SRCAP: variants seen among roughly 807,000 people sequenced by gnomAD.
The protein encoded by SRCAP is chromatin remodeling protein SRCAP.
In SRCAP, 46 loss-of-function variants were observed where a neutral mutation model predicts 263.1. That is an observed-to-expected ratio of 0.17 (90% confidence interval 0.14 to 0.22). The LOEUF (loss-of-function observed/expected upper bound fraction) is 0.22. Among genes scored for constraint, SRCAP ranks in the 10% least tolerant of loss-of-function variants. SRCAP has a pLI of 1.00. For missense variants in SRCAP, 3,695 were observed against 4,181.9 expected (o/e 0.88, Z 3.21); for synonymous variants, 1,813 against 1,662.1 (o/e 1.09, Z -2.21).
chr16:30,706,939 C>G (rs1234554495), intron 4 of SRCAP, among the ~76,000 whole-genome samples: 2 of 152,122 alleles, frequency 1.3e-5, no homozygotes, highest in African/African-American at 2.4e-5. Context: ...TTCACATTTT[C>G]TATTACTTTC....
At position 30,720,908 on chromosome 16, in the gene SRCAP, T is replaced by C. The variant is rs1312053021; in HGVS notation, c.3183T>C (p.Ile1061=). 17 of 1,613,996 alleles carry C rather than the reference T, an allele frequency of 1.1e-5. No homozygotes were observed. In the Admixed American group the frequency reaches 2.7e-4, roughly 25 times the overall value. ...VSASPAGPPL[I]PASRPPGPVL... is the part of the protein sequence containing the mutation. ...CCTCACCTGCCGGGCCCCCGCTTAT[T>C]CCTGCATCTCGGCCTCCTGGCCCTG... The change falls in exon 20 of 34, where the codon ATT becomes ATC. Residue 1061 remains isoleucine, a synonymous_variant. Transcript: ENST00000262518.
intron 4 of SRCAP, among the ~76,000 whole-genome samples, chr16:30,705,350 A>G (rs894579653): frequency 6.6e-6 from 1 of 152,158 alleles, no homozygotes; most frequent in Non-Finnish European, 1.5e-5. Context: ...ATTTGAAACT[A>G]TGAGGGTAGG....
intron 27 of SRCAP, among the ~76,000 whole-genome samples, chr16:30,732,187 C>A (rs796213621): frequency 6.6e-6 from 1 of 151,696 alleles, no homozygotes; most frequent in East Asian, 1.9e-4. Flanking sequence ...CACGGTGGCT[C>A]ACGCCTGTAA....
intron 6 of SRCAP, among the ~76,000 whole-genome samples, chr16:30,708,068 T>C (rs2052846989): frequency 1.3e-5 from 2 of 152,270 alleles, no homozygotes; most frequent in African/African-American, 4.8e-5. Flanking sequence ...GTCTGTATTT[T>C]CGGTCTTGCC....
intron 18 of SRCAP, among the ~76,000 whole-genome samples, chr16:30,717,455 T>C (rs1453220685): frequency 6.6e-6 from 1 of 151,390 alleles, no homozygotes; most frequent in Admixed American, 6.6e-5. Context: ...TTTTGGTGGT[T>C]TTTTTTTTCG....
Position 30,733,528 on chromosome 16 carries a change from G to GCCTTTCCA in SRCAP, c.6298-74_6298-73insCCTTTCCA. ...TCCCAGGATTTGGGCTTCCAGACGG[G>GCCTTTCCA]GTGCCACTAAGCCTTTAGACCTGTT... On this transcript the variant is annotated intron_variant, in intron 28 of 33. Coordinates refer to ENST00000262518, the MANE Select transcript of SRCAP (RefSeq NM_006662.3). This position sits in a 1 kb window ranked among gnomAD's most constrained non-coding sequence, Gnocchi z 5.3. 1 of 1,604,946 alleles carries GCCTTTCCA rather than the reference G, an allele frequency of 6.2e-7. No homozygotes were observed. The highest frequency in any genetic ancestry group is 8.5e-7 in the Non-Finnish European group (1 of 1,174,330).
Position 30,737,408 on chromosome 16 carries a change from C to A in SRCAP, c.7368C>A (p.Ala2456=). The A allele has an allele frequency of 6.2e-7, 1 of 1,608,488 alleles. No individual in the cohort carries two copies. The highest frequency in any genetic ancestry group is 1.1e-5 in the South Asian group (1 of 90,304). The part of the protein sequence containing the change: ...TPASAPAAIP[A]LVPVPVSAPV... Reference sequence around the variant, plus strand: ...CTTCAGCTCCGGCTGCAATTCCTGCCCTTGTTCCTGTCCCAGTTTCTGCCC... The same window carrying A: ...CTTCAGCTCCGGCTGCAATTCCTGCACTTGTTCCTGTCCCAGTTTCTGCCC... Residue 2456 remains alanine, a synonymous_variant, in exon 34 of 34, where the codon GCC becomes GCA. Transcript: ENST00000262518.
At position 30,710,851 on chromosome 16, in the gene SRCAP, A is replaced by C; in HGVS notation, c.1228+4A>C. ...TTTACTGCCAACGAAGAGGAAGGTC[A>C]GGGCTGTTCGGTTTGTCCTATTGCC... On this transcript the variant is annotated splice_donor_region_variant and intron_variant, in intron 9 of 33. Transcript: ENST00000262518. 6.2e-7 allele frequency: 1 copy of C among 1,614,140 alleles called. No individual in the cohort carries two copies. The highest frequency in any genetic ancestry group is 8.5e-7 in the Non-Finnish European group (1 of 1,179,968).
In SRCAP at chr16:30,738,603, G is replaced by A. The variant is rs763170731; in HGVS notation, c.8563G>A (p.Ala2855Thr). Residue 2855 changes from alanine (A) to threonine (T), a missense_variant, in exon 34 of 34, where the codon GCT becomes ACT. By Grantham distance (58) the Ala-to-Thr change is moderately conservative. This residue lies in a region of SRCAP where 1,207 missense variants were observed against 1,142.9 expected (regional missense o/e 1.06). Coordinates refer to ENST00000262518, the MANE Select transcript of SRCAP (RefSeq NM_006662.3). ...AGCACTGCTCGCCATCACCCCACCT[G>A]CTGTGAAACGTCGGAGGGGGAGGCC... ...DGALLAITPP[A>T]VKRRRGRPPK... is the part of the protein sequence containing the mutation. 38 of 1,603,534 alleles carry A rather than the reference G, an allele frequency of 2.4e-5. No individual in the cohort carries two copies. Among genetic ancestry groups the A allele is most frequent in the Non-Finnish European group, 2.2e-5 (26 of 1,174,398 alleles).
Position 30,729,513 on chromosome 16 carries a change from G to A in SRCAP, c.6068G>A (p.Arg2023His), listed in dbSNP as rs775790829. The A allele has an allele frequency of 5.0e-6, 8 of 1,614,132 alleles. No individual in the cohort carries two copies. The highest frequency in any genetic ancestry group is 1.1e-5 in the South Asian group (1 of 91,084). ...TGGCCCCGGGCTCGTCCTTTGCACC[G>A]TATTGTGTGTAACATGCGCACCCAG... The part of the protein sequence containing the change: ...ELWPRARPLH[R>H]IVCNMRTQFP... Residue 2023 changes from arginine (R) to histidine (H), a missense_variant, in exon 27 of 34, where the codon CGT (arginine) becomes CAT (histidine). Arg to His is a conservative substitution (Grantham distance 29, BLOSUM62 0). Around this residue, in one of 12 missense-constraint regions of SRCAP, gnomAD observed 138 missense variants for 254.9 expected, o/e 0.54. Coordinates refer to ENST00000262518, the MANE Select transcript of SRCAP (RefSeq NM_006662.3).
chr16:30,728,789 T>G (rs1482513790), intron 25 of SRCAP, among the ~76,000 whole-genome samples, 177 bp from the exon 26 acceptor site: 1 of 152,072 alleles, frequency 6.6e-6, no homozygotes, highest in Non-Finnish European at 1.5e-5. Context: ...AGAAAGTTAT[T>G]TAACATAACT....
intron 3 of SRCAP, among the ~76,000 whole-genome samples, chr16:30,701,872 T>G (rs1230514244): frequency 6.6e-6 from 1 of 151,830 alleles, no homozygotes; most frequent in Non-Finnish European, 1.5e-5. Context: ...CCTCAGGTGA[T>G]CCACCCACCT....
intron 27 of SRCAP, among the ~76,000 whole-genome samples, chr16:30,731,695 C>T (rs535499481): frequency 6.6e-6 from 1 of 151,848 alleles, no homozygotes; most frequent in Non-Finnish European, 1.5e-5. Flanking sequence ...AACCCTGTCT[C>T]CTCAAAAACT....
At position 30,713,737 on chromosome 16, in the gene SRCAP, G is replaced by A. The variant is rs373939521; in HGVS notation, c.2493+26G>A. 33 of 1,609,094 alleles carry A rather than the reference G, an allele frequency of 2.1e-5. No homozygotes were observed. In the African/African-American group the frequency reaches 3.7e-4, roughly 18 times the overall value. On this transcript the variant is annotated intron_variant, in intron 16 of 33. Transcript: ENST00000262518. ...GTAGGGCCTGCAACAGTTTGTCAGG[G>A]TATTGGGAATGGTAAGGAACCATTC... is the stretch of plus-strand genomic sequence containing the variant.
intron 18 of SRCAP, among the ~76,000 whole-genome samples, chr16:30,718,515 T>C (rs1217096784): frequency 2.0e-5 from 3 of 147,350 alleles, no homozygotes; most frequent in Admixed American, 6.9e-5. Context: ...ACTCTGTCGC[T>C]CAGGCTGGAG....
chr16:30,729,908 C>T (rs932703136), intron 27 of SRCAP, among the ~76,000 whole-genome samples: 1 of 152,150 alleles, frequency 6.6e-6, no homozygotes, highest in Admixed American at 6.5e-5. Flanking sequence ...GCTGTGATTA[C>T]AGACATACGC....
Position 30,733,361 on chromosome 16 carries a change from G to A in SRCAP, c.6209G>A (p.Arg2070Gln). Residue 2070 changes from arginine to glutamine, a missense_variant, in exon 28 of 34, where the codon CGA (arginine) becomes CAA (glutamine). Transcript: ENST00000262518. This position sits in a 1 kb window ranked among gnomAD's most constrained non-coding sequence, Gnocchi z 5.3. ...HRVLIFTQMT[R>Q]MLDVLEQFLT... is the part of the protein sequence containing the mutation. ...GTGCTCATCTTCACCCAGATGACCC[G>A]AATGCTGGATGTATTGGAGCAGTTT... The A allele has an allele frequency of 2.5e-6, 4 of 1,614,136 alleles. No homozygotes were observed. The highest frequency in any genetic ancestry group is 3.4e-6 in the Non-Finnish European group (4 of 1,180,012).
intron 16 of SRCAP, among the ~76,000 whole-genome samples, chr16:30,714,890 C>T (rs1567243917): frequency 6.6e-6 from 1 of 152,096 alleles, no homozygotes; most frequent in Non-Finnish European, 1.5e-5. Flanking sequence ...TTGATCCCTG[C>T]TTGGATTTCT....
intron 27 of SRCAP, among the ~76,000 whole-genome samples, chr16:30,732,726 C>T (rs555190043): frequency 6.6e-5 from 10 of 152,274 alleles, no homozygotes; most frequent in Non-Finnish European, 7.4e-5. Context: ...GTTTTTCCCT[C>T]GATGTTATGT....
Sources: gnomAD v4.1 joint callset for allele counts (sites outside exome capture counted in the v4.1 genomes callset) on GRCh38, gnomAD v4.1.1 for gene constraint, gnomAD v4.1.1 regional missense constraint, Gnocchi (gnomAD v3.1) non-coding constraint, MANE v1.5 for transcripts, NCBI Gene and HGNC (gene_info 2026-07-23, HGNC 2026-07-21) for gene names.